Variants in CC2D2A observed in about 807,000 individuals in gnomAD.
CC2D2A encodes coiled-coil and C2 domain-containing protein 2A.
A neutral mutation model predicts 212.9 loss-of-function variants in CC2D2A; 155 were observed. The observed-to-expected ratio is 0.73, with a 90% CI of 0.64 to 0.83. The LOEUF is 0.83. Ranked by LOEUF, CC2D2A falls within the 40% of genes least tolerant of loss-of-function variation. CC2D2A has a pLI of 0.00. For synonymous variants in CC2D2A, 667 were observed against 686.5 expected (o/e 0.97, Z 0.44); for missense variants, 1,856 against 1,956.2 (o/e 0.95, Z 0.97).
intron 4 of CC2D2A, chr4:15,482,071 T>C (rs934152350): frequency 1.0e-6 from 1 of 985,312 alleles, no homozygotes; most frequent in Non-Finnish European, 1.2e-6. Context: ...AGAGGAGAAG[T>C]GGTTACACTT....
chr4:15,482,354 T>C, intron 4 of CC2D2A: 1 of 915,944 alleles, frequency 1.1e-6, no homozygotes, highest in Non-Finnish European at 1.3e-6. Context: ...CATAACAAAA[T>C]ACTATAGACT....
In CC2D2A at chr4:15,596,106, T is replaced by C. The variant is rs777456053; in HGVS notation, c.4336T>C (p.Tyr1446His). The C allele has an allele frequency of 4.5e-6, 7 of 1,548,150 alleles. No individual in the cohort carries two copies. Among genetic ancestry groups the C allele is most frequent in the South Asian group, 1.2e-5 (1 of 83,248 alleles). ...TTAGATTTGGTTTAATATTCAACGA[T>C]ATGAATCTCCACTAAGGATAAATTT... ...PDNIWFNIQR[Y>H]ESPLRINFDV... is the part of the protein sequence containing the mutation. The change falls in exon 34 of 37, where the codon TAT becomes CAT. Residue 1446 changes from tyrosine (Y) to histidine (H), a missense_variant. Tyr to His is a moderately conservative substitution (Grantham distance 83). Around this residue, in one of 5 missense-constraint regions of CC2D2A, gnomAD observed 285 missense variants for 278.4 expected, o/e 1.02. Transcript: ENST00000424120.
rs1294467624 is a variant in CC2D2A, at chr4:15,600,916, A to AG, written c.4675-321_4675-320insG. On this transcript the variant is annotated intron_variant, in intron 36 of 36. Coordinates refer to ENST00000424120, the MANE Select transcript of CC2D2A (RefSeq NM_001378615.1). ...TCAGACCTGTCTCAAAAAAAAAAAA[A>AG]AAAAAGAAAAAAGAAATGTATTTGT... 2.7e-5 allele frequency among the ~76,000 whole-genome samples: 4 copies of AG among 150,126 alleles called. No homozygotes were observed. The East Asian group carries it at 5.8e-4, about 22-fold the overall frequency.
chr4:15,485,490 T>C (rs1560144926), intron 4 of CC2D2A, among the ~76,000 whole-genome samples: 2 of 152,262 alleles, frequency 1.3e-5, no homozygotes, highest in Non-Finnish European at 2.9e-5. Flanking sequence ...TTTGGATATA[T>C]ACCCAGCAGT....
intron 17 of CC2D2A, among the ~76,000 whole-genome samples, chr4:15,548,120 G>A (rs1718803965): frequency 7.4e-6 from 1 of 136,052 alleles, no homozygotes; most frequent in South Asian, 2.4e-4. Flanking sequence ...GGAAATTCTG[G>A]ATTTTTTTTT....
chr4:15,588,328 T>G (rs1478133244), intron 32 of CC2D2A, among the ~76,000 whole-genome samples: 1 of 152,194 alleles, frequency 6.6e-6, no homozygotes, highest in South Asian at 2.1e-4. Context: ...TCTCCTTTCA[T>G]GCCTACTGCT....
intron 24 of CC2D2A, among the ~76,000 whole-genome samples, chr4:15,564,931 C>T (rs1719813592): frequency 6.6e-6 from 1 of 152,212 alleles, no homozygotes; most frequent in African/African-American, 2.4e-5. Flanking sequence ...CCTGCCTCTG[C>T]CTCCCAAAGT....
At chr4:15,591,560 G>C (rs1035017045) in intron 33 of CC2D2A, among the ~76,000 whole-genome samples, 1 of 152,118 alleles carries the variant, frequency 6.6e-6, no homozygotes, top group Non-Finnish European at 1.5e-5. Flanking sequence ...TAAAATTAGA[G>C]ATAATATATG....
At chr4:15,591,628 C>G (rs1031979290) in intron 33 of CC2D2A, among the ~76,000 whole-genome samples, 1 of 152,150 alleles carries the variant, frequency 6.6e-6, no homozygotes, top group Non-Finnish European at 1.5e-5. Flanking sequence ...AACTACAGCA[C>G]TATTAATTAC....
chr4:15,530,590 G>A (rs544208080), intron 13 of CC2D2A, among the ~76,000 whole-genome samples: 18 of 152,186 alleles, frequency 1.2e-4, no homozygotes, highest in African/African-American at 3.9e-4. Context: ...ACAATGCCCA[G>A]CAGAGTCATG....
chr4:15,587,751 C>A, intron 31 of CC2D2A, 65 bp from the exon 32 acceptor site: 1 of 856,348 alleles, frequency 1.2e-6, no homozygotes, highest in Non-Finnish European at 1.9e-6. Flanking sequence ...ATATTAGAAT[C>A]CTGCACAACC....
Position 15,514,697 on chromosome 4 carries a change from C to G in CC2D2A, c.718-10C>G. ...ATGATTTTTTCTTGTTACTTTTTAA[C>G]ATTATGCAGGATGAGGAAGAACTGC... is the stretch of plus-strand genomic sequence containing the variant. On this transcript the variant is annotated splice_polypyrimidine_tract_variant and intron_variant, in intron 8 of 36. Transcript: ENST00000424120. 1 of 1,496,970 alleles carries G rather than the reference C, an allele frequency of 6.7e-7. No homozygotes were observed. The highest frequency in any genetic ancestry group is 9.0e-7 in the Non-Finnish European group (1 of 1,114,390). The allele number at this position is 1,496,970 out of a possible 1,614,324, so 92.7% of individuals were successfully genotyped here. A position where few individuals can be genotyped will look rare whatever the true frequency, so the allele number is the denominator to read the frequency against.
intron 17 of CC2D2A, among the ~76,000 whole-genome samples, chr4:15,545,824 T>G (rs1277169440): frequency 6.6e-6 from 1 of 151,974 alleles, no homozygotes; most frequent in South Asian, 2.1e-4. Flanking sequence ...AGAATCAGAG[T>G]TGGGCCAGGC....
At chr4:15,529,759 A>G (rs1190045724) in intron 13 of CC2D2A, among the ~76,000 whole-genome samples, 1 of 149,676 alleles carries the variant, frequency 6.7e-6, no homozygotes, top group Non-Finnish European at 1.5e-5. Context: ...ATATTTGTGT[A>G]CCTGTATGAG....
At chr4:15,573,906 C>T (rs1354800541) in intron 28 of CC2D2A, among the ~76,000 whole-genome samples, 2 of 152,182 alleles carry the variant, frequency 1.3e-5, no homozygotes, top group Admixed American at 1.3e-4. Context: ...TAAACCAAGA[C>T]TTGAACCTAA....
chr4:15,593,543 C>T (rs1721196942), intron 33 of CC2D2A, among the ~76,000 whole-genome samples: 1 of 152,168 alleles, frequency 6.6e-6, no homozygotes, highest in African/African-American at 2.4e-5. Flanking sequence ...ATCCAATCAC[C>T]GACTCAACAT....
At chr4:15,500,107 G>GTGTGTGTGTGTGTATATATA (rs1479141284) in intron 4 of CC2D2A, among the ~76,000 whole-genome samples, 22 of 112,928 alleles carry the variant, frequency 1.9e-4, no homozygotes, top group Admixed American at 7.4e-4. Context: ...GTGTGTGTGT[G>GTGTGTGTGTGTGTATATATA]TATATATATA....
chr4:15,533,370 T>C (rs776299688), intron 14 of CC2D2A, 37 bp downstream of exon 14: 9 of 1,406,258 alleles, frequency 6.4e-6, no homozygotes, highest in Admixed American at 2.8e-5. Flanking sequence ...TTGGGCTATA[T>C]CATACATTAA....
chr4:15,515,008 C>CA (rs1716781136), intron 9 of CC2D2A, 139 bp downstream of exon 9: 1 of 734,676 alleles, frequency 1.4e-6, no homozygotes, highest in East Asian at 2.7e-5. Context: ...TATCTTCAAA[C>CA]AAACAAAAAA....
Sources: allele counts gnomAD v4.1 joint callset (sites outside exome capture counted in the v4.1 genomes callset), GRCh38; gene constraint gnomAD v4.1.1; regional missense constraint gnomAD v4.1.1; transcripts MANE v1.5; gene names NCBI Gene and HGNC (gene_info 2026-07-23, HGNC 2026-07-21).